The following SASS6 variants were observed in gnomAD, a reference collection of about 807,000 sequenced individuals.
SASS6 encodes spindle assembly abnormal protein 6 homolog.
In SASS6, 59 loss-of-function variants were observed where a neutral mutation model predicts 94.9. That is an observed-to-expected ratio of 0.62 (90% CI 0.50 to 0.77). SASS6 has a LOEUF of 0.77. Ranked by LOEUF, SASS6 falls within the 30% of genes least tolerant of loss-of-function variation. The pLI is 0.00. For synonymous variants in SASS6, 264 were observed against 270.0 expected, an observed-to-expected ratio of 0.98 and a Z score of 0.22; for missense variants, 698 against 734.1, an observed-to-expected ratio of 0.95 and a Z score of 0.57.
At chr1:100,115,092 G>GAAAA (rs1026635892) in intron 7 of SASS6, among the ~76,000 whole-genome samples, 1 of 151,168 alleles carries the variant, frequency 6.6e-6, no homozygotes, top group Non-Finnish European at 1.5e-5. Flanking sequence ...TTCTGTGCAA[G>GAAAA]AAAAAAAAGG....
In SASS6 at chr1:100,123,308, T is replaced by A; in HGVS notation, c.127-19A>T. ...CTAAGTCCTAAAAGAAAGTTTGTTG[T>A]TTTTAAATGTTTTTACTAGATCTGG... On this transcript the variant is annotated intron_variant, in intron 2 of 16. Transcript: ENST00000287482. 1 of 1,240,060 alleles carries A rather than the reference T, an allele frequency of 8.1e-7. No homozygotes were observed. Among genetic ancestry groups the A allele is most frequent in the Non-Finnish European group, 1.2e-6 (1 of 863,814 alleles). The allele number at this position is 1,240,060 out of a possible 1,614,324, so 76.8% of individuals were successfully genotyped here.
chr1:100,131,109 T>A (rs1192586924), intron 1 of SASS6, among the ~76,000 whole-genome samples: 1 of 152,200 alleles, frequency 6.6e-6, no homozygotes, highest in East Asian at 1.9e-4. Context: ...CTTTCTATAA[T>A]CATTCTAAAA....
chr1:100,129,237 TAA>T (rs993910922), intron 1 of SASS6, among the ~76,000 whole-genome samples: 1 of 140,030 alleles, frequency 7.1e-6, no homozygotes, highest in Non-Finnish European at 1.6e-5. Flanking sequence ...AGCCTCTCTC[TAA>T]AAAAAAAAAA....
chr1:100,113,404 C>T (rs972147410), intron 7 of SASS6, among the ~76,000 whole-genome samples: 5 of 151,678 alleles, frequency 3.3e-5, no homozygotes, highest in African/African-American at 4.8e-5. Context: ...GTCAGGAGAT[C>T]GAGACCATCC....
intron 8 of SASS6, among the ~76,000 whole-genome samples, chr1:100,109,885 A>T (rs1252208077): frequency 6.6e-6 from 1 of 152,006 alleles, no homozygotes; most frequent in African/African-American, 2.4e-5. Context: ...ATTAACTATT[A>T]TCTTTACTAT....
In SASS6 at chr1:100,122,496, A is replaced by G; in HGVS notation, c.207-12T>C. On this transcript the variant is annotated splice_polypyrimidine_tract_variant and intron_variant, in intron 3 of 16. Transcript: ENST00000287482. The stretch of plus-strand genomic sequence containing the variant: ...GCTGGAATTTTAAACTATACAGAAG[A>G]AAGGAAAAGAAATTTTTTAAAAATT... The G allele has an allele frequency of 9.0e-7, 1 of 1,116,526 alleles. No individual in the cohort carries two copies. Among genetic ancestry groups the G allele is most frequent in the Non-Finnish European group, 1.3e-6 (1 of 763,714 alleles). The allele number at this position is 1,116,526 out of a possible 1,614,324, so 69.2% of individuals were successfully genotyped here.
At chr1:100,108,358 T>C (rs191891102) in intron 8 of SASS6, among the ~76,000 whole-genome samples, 81 of 152,226 alleles carry the variant, frequency 5.3e-4, no homozygotes, top group Admixed American at 6.5e-4. Flanking sequence ...ACTTAACATT[T>C]TTCTTTGTTG....
At chr1:100,128,573 AC>A (rs1654789795) in intron 1 of SASS6, among the ~76,000 whole-genome samples, 1 of 152,246 alleles carries the variant, frequency 6.6e-6, no homozygotes, top group Admixed American at 6.5e-5. Flanking sequence ...TAGTTAAAAA[AC>A]ATCCCTAGAA....
chr1:100,132,860 C>T lies in SASS6; in HGVS notation c.-46G>A. ...GGTGTGCAGAAAAGCCCAACAGGCC[C>T]GGCCCTCGGGATTAGCCTGAGAGGT... On this transcript the variant is annotated 5_prime_UTR_variant, in exon 1 of 17. Coordinates refer to ENST00000287482, the MANE Select transcript of SASS6 (RefSeq NM_194292.3). 6.4e-7 allele frequency: 1 copy of T among 1,567,862 alleles called. No individual in the cohort carries two copies. The highest frequency in any genetic ancestry group is 8.8e-7 in the Non-Finnish European group (1 of 1,138,432).
intron 7 of SASS6, among the ~76,000 whole-genome samples, chr1:100,116,946 T>C (rs1653835935): frequency 6.6e-6 from 1 of 152,146 alleles, no homozygotes; most frequent in African/African-American, 2.4e-5. Context: ...AGCTGTACTC[T>C]TAAGAGCAAG....
intron 1 of SASS6, among the ~76,000 whole-genome samples, chr1:100,131,319 T>C (rs1655006102): frequency 6.6e-6 from 1 of 151,998 alleles, no homozygotes; most frequent in African/African-American, 2.4e-5. Context: ...CCTCCTAAAG[T>C]GCTGGGACTA....
At chr1:100,110,592 CTTTTTT>C (rs1653251377) in intron 7 of SASS6, 109 bp from the exon 8 acceptor site, 3 of 533,696 alleles carry the variant, frequency 5.6e-6, no homozygotes, top group South Asian at 5.1e-5. Context: ...TTTTCTTTTT[CTTTTTT>C]GTCTTAATTT....
intron 1 of SASS6, among the ~76,000 whole-genome samples, chr1:100,128,563 T>C (rs1654788846): frequency 6.6e-6 from 1 of 152,218 alleles, no homozygotes; most frequent in Non-Finnish European, 1.5e-5. Context: ...TCCCCATGCT[T>C]AGTTAAAAAA....
At chr1:100,111,066 T>C (rs1570699313) in intron 7 of SASS6, among the ~76,000 whole-genome samples, 1 of 152,150 alleles carries the variant, frequency 6.6e-6, no homozygotes, top group Admixed American at 6.5e-5. Context: ...ATCACAAACC[T>C]ATCTTAGTAA....
chr1:100,095,853 A>G (rs1203036073), intron 14 of SASS6, among the ~76,000 whole-genome samples: 1 of 152,226 alleles, frequency 6.6e-6, no homozygotes. Context: ...AATTCAACAG[A>G]AGAAATTCAA....
chr1:100,129,503 C>T (rs899530029), intron 1 of SASS6, among the ~76,000 whole-genome samples: 4 of 152,038 alleles, frequency 2.6e-5, no homozygotes, highest in African/African-American at 9.7e-5. Flanking sequence ...GAACTTAAGG[C>T]CCAAATAATG....
intron 14 of SASS6, among the ~76,000 whole-genome samples, chr1:100,100,528 A>G (rs1432197833): frequency 6.6e-6 from 1 of 152,210 alleles, no homozygotes; most frequent in African/African-American, 2.4e-5. Context: ...AGTTTTGTGT[A>G]TCTTGCTTTA....
intron 14 of SASS6, among the ~76,000 whole-genome samples, chr1:100,089,636 A>G (rs76778142): frequency 0.049 from 7,440 of 152,230 alleles, 211 homozygotes; most frequent in African/African-American, 0.068. Context: ...TTGCCAACCT[A>G]AAGTTCTATA....
At chr1:100,092,255 T>A (rs370319956) in intron 14 of SASS6, among the ~76,000 whole-genome samples, 1 of 151,938 alleles carries the variant, frequency 6.6e-6, no homozygotes, top group Non-Finnish European at 1.5e-5. Flanking sequence ...TAATTTCTCA[T>A]TGGAAATCAT....
Sources: allele counts gnomAD v4.1 joint callset (sites outside exome capture counted in the v4.1 genomes callset), GRCh38; gene constraint gnomAD v4.1.1; transcripts MANE v1.5; gene names NCBI Gene and HGNC (gene_info 2026-07-23, HGNC 2026-07-21).